Variants in MARCHF3 observed in about 807,000 individuals in gnomAD.
MARCHF3 encodes the protein E3 ubiquitin-protein ligase MARCHF3.
A neutral mutation model predicts 24.2 loss-of-function variants in MARCHF3; 13 were observed. That is an observed-to-expected ratio of 0.54 (90% CI 0.35 to 0.85). MARCHF3 has a LOEUF of 0.85. Ranked by LOEUF, MARCHF3 falls within the 40% of genes least tolerant of loss-of-function variation. The probability of loss-of-function intolerance (pLI) is 0.01; values close to 1 mark genes in which losing one functional copy is unlikely to be tolerated. For missense variants in MARCHF3, 276 were observed against 325.0 expected (o/e 0.85, Z 1.16); for synonymous variants, 144 against 137.3 (o/e 1.05, Z -0.34).
At chr5:126,943,227 G>C (rs1043929599) in intron 1 of MARCHF3, among the ~76,000 whole-genome samples, 22 of 152,220 alleles carry the variant, frequency 1.4e-4, no homozygotes, top group African/African-American at 4.8e-4. Context: ...CCAGGAGGTA[G>C]AGGTTGCAGT....
In MARCHF3 at chr5:126,894,890, T is replaced by C. The variant is rs572091106; in HGVS notation, c.394-16496A>G. ...AGATTGGGGAAGTTCTCCTGGATAA[T>C]ATCCTGCAGAGTGTTTTCCAACTTG... is the stretch of plus-strand genomic sequence containing the variant. On this transcript the variant is annotated intron_variant, in intron 3 of 4. Coordinates refer to ENST00000308660, the MANE Select transcript of MARCHF3 (RefSeq NM_178450.5). 1.1e-3 allele frequency among the ~76,000 whole-genome samples: 171 copies of C among 152,002 alleles called. 1 individual carries two copies. The highest frequency in any genetic ancestry group is 4.0e-3 in the African/African-American group (167 of 41,450).
At chr5:126,968,003 A>G (rs1031604426) in intron 1 of MARCHF3, among the ~76,000 whole-genome samples, 4 of 152,112 alleles carry the variant, frequency 2.6e-5, no homozygotes, top group Non-Finnish European at 5.9e-5. Flanking sequence ...CCGGGCAACC[A>G]CTAATCAACT....
chr5:126,935,462 C>T (rs531949176), intron 1 of MARCHF3, among the ~76,000 whole-genome samples: 247 of 152,126 alleles, frequency 1.6e-3, no homozygotes, highest in Non-Finnish European at 3.3e-3. Flanking sequence ...GAGCTAGAAC[C>T]ACATCAGTGG....
chr5:126,954,849 C>T lies in MARCHF3; in HGVS notation c.-56-36622G>A, dbSNP rs546072586. ...TCTCCTGTTTCCCAATGCCTACCCTCCTTCTTCTCCTTTCCTCTTTCTCTT... is the reference window on the plus strand; with the variant it reads ...TCTCCTGTTTCCCAATGCCTACCCTTCTTCTTCTCCTTTCCTCTTTCTCTT... On this transcript the variant is annotated intron_variant, in intron 1 of 4. Coordinates refer to ENST00000308660, the MANE Select transcript of MARCHF3 (RefSeq NM_178450.5). Among the ~76,000 whole-genome samples, 5 of 152,240 alleles carry T rather than the reference C, an allele frequency of 3.3e-5. No homozygotes were observed. In the South Asian group the frequency reaches 1.0e-3, roughly 32 times the overall value.
intron 1 of MARCHF3, among the ~76,000 whole-genome samples, chr5:127,015,677 A>G (rs1468602717): frequency 2.0e-5 from 3 of 152,230 alleles, no homozygotes; most frequent in African/African-American, 7.2e-5. Flanking sequence ...GATTACCTAG[A>G]ATCACTAAGA....
At chr5:126,920,879 T>C (rs1394241131) in intron 1 of MARCHF3, among the ~76,000 whole-genome samples, 1 of 152,170 alleles carries the variant, frequency 6.6e-6, no homozygotes, top group East Asian at 1.9e-4. Context: ...ATTTCATTTC[T>C]TCTTTCACAG....
chr5:126,896,011 G>T (rs146816403), intron 3 of MARCHF3, among the ~76,000 whole-genome samples: 3,103 of 152,258 alleles, frequency 0.02, 78 homozygotes, highest in South Asian at 0.11. Context: ...ATATAATCTG[G>T]TGCGCCGTTT....
intron 1 of MARCHF3, among the ~76,000 whole-genome samples, chr5:126,921,796 T>C (rs1395574217): frequency 3.3e-5 from 5 of 152,178 alleles, no homozygotes; most frequent in Non-Finnish European, 5.9e-5. Flanking sequence ...CCTTGCATAA[T>C]TTCTTTCTCA....
chr5:126,892,727 C>T lies in MARCHF3; in HGVS notation c.394-14333G>A, dbSNP rs1009922049. Among the ~76,000 whole-genome samples, 15 of 149,892 alleles carry T rather than the reference C, an allele frequency of 1.0e-4. 1 individual carries two copies. The highest frequency in any genetic ancestry group is 3.8e-4 in the African/African-American group (15 of 39,606). On this transcript the variant is annotated intron_variant, in intron 3 of 4. Coordinates refer to ENST00000308660, the MANE Select transcript of MARCHF3 (RefSeq NM_178450.5). ...TGAGAATTTTTGCATCAATGTTCAT[C>T]AAGGATATTGGTCTAAAATTCTCTT... is the stretch of plus-strand genomic sequence containing the variant.
intron 1 of MARCHF3, among the ~76,000 whole-genome samples, chr5:126,966,032 C>T (rs1750802654): frequency 1.3e-5 from 2 of 152,174 alleles, no homozygotes; most frequent in African/African-American, 4.8e-5. Flanking sequence ...TAACAACATG[C>T]ACCAACATGG....
chr5:126,970,308 G>T (rs527894833), intron 1 of MARCHF3, among the ~76,000 whole-genome samples: 1 of 151,834 alleles, frequency 6.6e-6, no homozygotes, highest in South Asian at 2.1e-4. Flanking sequence ...GGCTGGTCTC[G>T]AACTCCTGAC....
chr5:126,961,185 G>A (rs990239337), intron 1 of MARCHF3, among the ~76,000 whole-genome samples: 4 of 152,042 alleles, frequency 2.6e-5, no homozygotes, highest in Non-Finnish European at 2.9e-5. Flanking sequence ...TGAAGAAAAG[G>A]GAGAAATATA....
chr5:126,876,832 T>C (rs1048945236), intron 4 of MARCHF3, among the ~76,000 whole-genome samples: 1 of 152,184 alleles, frequency 6.6e-6, no homozygotes, highest in African/African-American at 2.4e-5. Flanking sequence ...GTATTTTTAG[T>C]AGAGACAGGG....
At chr5:126,917,650 T>G (rs1748924436) in intron 2 of MARCHF3, among the ~76,000 whole-genome samples, 1 of 152,200 alleles carries the variant, frequency 6.6e-6, no homozygotes, top group Admixed American at 6.5e-5. Flanking sequence ...CTTAATCCTG[T>G]TCCAATAGGA....
chr5:126,993,314 A>G (rs1364361043), intron 1 of MARCHF3, among the ~76,000 whole-genome samples: 1 of 152,244 alleles, frequency 6.6e-6, no homozygotes, highest in Non-Finnish European at 1.5e-5. Flanking sequence ...GATGATAACA[A>G]GCCTTACAAG....
chr5:127,021,689 T>C (rs939881501), intron 1 of MARCHF3, among the ~76,000 whole-genome samples: 2 of 151,994 alleles, frequency 1.3e-5, no homozygotes, highest in African/African-American at 4.8e-5. Context: ...GGCAGGAAAG[T>C]GGTAGAAAAA....
chr5:126,887,001 A>AT (rs1374327455), intron 3 of MARCHF3, among the ~76,000 whole-genome samples: 1 of 152,008 alleles, frequency 6.6e-6, no homozygotes, highest in Non-Finnish European at 1.5e-5. Flanking sequence ...AACCCTCTTC[A>AT]TTTTTTACCT....
chr5:126,904,890 A>G (rs1451597252), intron 3 of MARCHF3, among the ~76,000 whole-genome samples: 1 of 142,350 alleles, frequency 7.0e-6, no homozygotes, highest in Non-Finnish European at 1.5e-5. Context: ...GTCCTTGCCC[A>G]TGCCTATGTC....
intron 3 of MARCHF3, among the ~76,000 whole-genome samples, chr5:126,903,699 A>C (rs1754182840): frequency 6.6e-6 from 1 of 152,050 alleles, no homozygotes; most frequent in Non-Finnish European, 1.5e-5. Context: ...GAATTCTTGA[A>C]TCTATTAAAT....
Sources: allele counts gnomAD v4.1 joint callset (sites outside exome capture counted in the v4.1 genomes callset), GRCh38; gene constraint gnomAD v4.1.1; transcripts MANE v1.5; gene names NCBI Gene and HGNC (gene_info 2026-07-23, HGNC 2026-07-21).